Variants in SPMAP2 observed in about 807,000 individuals in gnomAD.
The protein encoded by SPMAP2 is Theg homolog.
chr19:375,677 G>A, the SPMAP2 span: 1 of 1,583,684 alleles, frequency 6.3e-7, no homozygotes. Context: ...TTTCAGGAAT[G>A]TCCTCTTCCA....
chr19:374,525 C>T, the SPMAP2 span: 17 of 1,435,768 alleles, frequency 1.2e-5, no homozygotes, highest in Non-Finnish European at 1.5e-5. Context: ...TGTCTGCACT[C>T]ACCCTGCCCA....
the SPMAP2 span, chr19:367,053 G>A: frequency 6.2e-7 from 1 of 1,612,608 alleles, no homozygotes; most frequent in Non-Finnish European, 8.5e-7. Context: ...CTAGCCTGAG[G>A]CACCTACTTA....
chr19:364,217 G>T, the SPMAP2 span, among the ~76,000 whole-genome samples: 18 of 150,440 alleles, frequency 1.2e-4, no homozygotes, highest in East Asian at 3.0e-3. Context: ...GCTGCCTGTA[G>T]TCCCAGCTAC....
At chr19:366,329 G>A in the SPMAP2 span, among the ~76,000 whole-genome samples, 7 of 152,216 alleles carry the variant, frequency 4.6e-5, no homozygotes, top group Non-Finnish European at 5.9e-5. Context: ...CATACTCAAC[G>A]TGTGTGTGTT....
At chr19:370,037 A>C in the SPMAP2 span, among the ~76,000 whole-genome samples, 2 of 152,156 alleles carry the variant, frequency 1.3e-5, no homozygotes, top group Non-Finnish European at 2.9e-5. Flanking sequence ...AAAGAATGCA[A>C]GATGGCCAGG....
chr19:362,219 T>G, the SPMAP2 span: 16 of 1,554,212 alleles, frequency 1.0e-5, no homozygotes, highest in African/African-American at 1.4e-4. Flanking sequence ...AGGCCTGGGT[T>G]GATCACACTT....
chr19:366,260 T>C, the SPMAP2 span, among the ~76,000 whole-genome samples: 1 of 152,212 alleles, frequency 6.6e-6, no homozygotes, highest in Non-Finnish European at 1.5e-5. Flanking sequence ...TATATTTATA[T>C]GTACATTTGA....
At chr19:363,157 A>C in the SPMAP2 span, among the ~76,000 whole-genome samples, 1 of 152,196 alleles carries the variant, frequency 6.6e-6, no homozygotes, top group Non-Finnish European at 1.5e-5. Context: ...CTGTGACTGT[A>C]CTAAAAGCCA....
chr19:374,273 G>C, the SPMAP2 span: 1 of 1,611,312 alleles, frequency 6.2e-7, no homozygotes, highest in Non-Finnish European at 8.5e-7. Flanking sequence ...CTGCCCCTAC[G>C]AGGCCGTGGT....
chr19:362,484 C>T, the SPMAP2 span: 1 of 1,426,164 alleles, frequency 7.0e-7, no homozygotes, highest in Non-Finnish European at 9.6e-7. Context: ...GCTCCACATT[C>T]AGGCTGGGCA....
the SPMAP2 span, chr19:375,721 G>C: frequency 1.9e-6 from 3 of 1,607,572 alleles, no homozygotes; most frequent in Non-Finnish European, 1.7e-6. Flanking sequence ...AACTCAGAAA[G>C]TGCCTCTTTG....
At chr19:371,285 C>A in the SPMAP2 span, 1 of 1,502,454 alleles carries the variant, frequency 6.7e-7, no homozygotes, top group Non-Finnish European at 8.9e-7. Flanking sequence ...GCTCTGTATT[C>A]CAGGGAGGAC....
chr19:363,021 G>A, the SPMAP2 span, among the ~76,000 whole-genome samples: 1 of 152,102 alleles, frequency 6.6e-6, no homozygotes, highest in Non-Finnish European at 1.5e-5. Context: ...TCCAGAGTCC[G>A]GAAGTGAACG....
At chr19:373,363 G>A in the SPMAP2 span, 25 of 1,058,354 alleles carry the variant, frequency 2.4e-5, no homozygotes, top group Middle Eastern at 5.2e-4. Context: ...CAGAGGCTCC[G>A]AGGAGATGGG....
At chr19:375,967 C>T in the SPMAP2 span, 3 of 1,418,092 alleles carry the variant, frequency 2.1e-6, no homozygotes, top group Non-Finnish European at 2.8e-6. Context: ...CTGCTGTCCC[C>T]CATACACCGG....
chr19:367,681 C>T, the SPMAP2 span, among the ~76,000 whole-genome samples: 6 of 152,132 alleles, frequency 3.9e-5, no homozygotes, highest in South Asian at 2.1e-4. Flanking sequence ...GCTGAACACG[C>T]GCAGGCTTGG....
the SPMAP2 span, chr19:374,589 A>G: frequency 1.1e-6 from 1 of 892,486 alleles, no homozygotes; most frequent in Admixed American, 2.8e-5. Context: ...GGCACCACGA[A>G]GGCCTGGACC....
the SPMAP2 span, chr19:371,137 T>C: frequency 1.1e-6 from 1 of 934,248 alleles, no homozygotes; most frequent in Non-Finnish European, 1.5e-6. Flanking sequence ...ACGCAAAGCC[T>C]CTTTCACTCT....
chr19:365,349 C>T, the SPMAP2 span, among the ~76,000 whole-genome samples: 2 of 152,194 alleles, frequency 1.3e-5, no homozygotes, highest in Non-Finnish European at 2.9e-5. Flanking sequence ...CTGGAAGAAC[C>T]GTGCCCAGAG....
Sources: allele counts gnomAD v4.1 joint callset (sites outside exome capture counted in the v4.1 genomes callset), GRCh38; gene constraint gnomAD v4.1.1; transcripts MANE v1.5; gene names NCBI Gene and HGNC (gene_info 2026-07-23, HGNC 2026-07-21).